Variants in TCF20 observed in about 807,000 individuals in gnomAD.
The protein encoded by TCF20 is transcription factor 20.
A neutral mutation model predicts 148.6 loss-of-function variants in TCF20; 3 were observed. That is an observed-to-expected ratio of 0.02 (90% CI 0.01 to 0.05). The LOEUF is 0.05. Among genes scored for constraint, TCF20 ranks in the 10% least tolerant of loss-of-function variants. The pLI, the probability that TCF20 is intolerant of heterozygous loss-of-function variation, is 1.00. For missense variants in TCF20, 2,350 were observed against 2,429.3 expected, an observed-to-expected ratio of 0.97 and a Z score of 0.69; for synonymous variants, 1,049 against 909.5, an observed-to-expected ratio of 1.15 and a Z score of -2.76.
At chr22:42,181,805 TCTCA>T (rs1383821081) in intron 2 of TCF20, among the ~76,000 whole-genome samples, 1 of 152,020 alleles carries the variant, frequency 6.6e-6, no homozygotes, top group African/African-American at 2.4e-5. Flanking sequence ...AGAGACAGGG[TCTCA>T]CTATGTTGCC....
chr22:42,310,299 C>G, intron 1 of TCF20, among the ~76,000 whole-genome samples: 1 of 152,224 alleles, frequency 6.6e-6, no homozygotes, highest in East Asian at 1.9e-4. Context: ...TGCTAAGGGC[C>G]TACTATGTGC....
chr22:42,259,001 T>C (rs1925892218), intron 1 of TCF20, among the ~76,000 whole-genome samples: 1 of 152,212 alleles, frequency 6.6e-6, no homozygotes, highest in Admixed American at 6.5e-5. Flanking sequence ...CATCAATACA[T>C]GACAATCTAG....
At chr22:42,173,972 C>T (rs1936289882) in intron 3 of TCF20, among the ~76,000 whole-genome samples, 2 of 152,200 alleles carry the variant, frequency 1.3e-5, no homozygotes, top group East Asian at 1.9e-4. Flanking sequence ...CAAGATGGGC[C>T]CCAAAACAGA....
chr22:42,261,251 T>C (rs1169543389), intron 1 of TCF20, among the ~76,000 whole-genome samples: 1 of 152,240 alleles, frequency 6.6e-6, no homozygotes, highest in Non-Finnish European at 1.5e-5. Flanking sequence ...CTGATGGACA[T>C]CTGGACTGTT....
chr22:42,254,618 G>A lies in TCF20; in HGVS notation c.-37+15721C>T, dbSNP rs2035183036. ...AATCCTTTCCCACCTCTCAGACTGT[G>A]GCTCTTAAGACCCTCCTCAGAGGGC... On this transcript the variant is annotated intron_variant, in intron 1 of 5. Coordinates refer to ENST00000677622, the MANE Select transcript of TCF20 (RefSeq NM_001378418.1). Among the ~76,000 whole-genome samples, 4 of 152,198 alleles carry A rather than the reference G, an allele frequency of 2.6e-5. No homozygotes were observed. In the South Asian group the frequency reaches 8.3e-4, roughly 31 times the overall value.
chr22:42,231,597 A>G (rs1923405471), intron 1 of TCF20, among the ~76,000 whole-genome samples: 1 of 152,212 alleles, frequency 6.6e-6, no homozygotes, highest in South Asian at 2.1e-4. Context: ...ACAAGAGTCA[A>G]AAGGTTACAA....
chr22:42,298,838 C>G (rs1295103035), intron 1 of TCF20, among the ~76,000 whole-genome samples: 3 of 152,248 alleles, frequency 2.0e-5, no homozygotes, highest in Admixed American at 6.5e-5. Context: ...GTCCCCTCCC[C>G]ACCAGGCCTT....
At chr22:42,232,924 T>C (rs1355782562) in intron 1 of TCF20, among the ~76,000 whole-genome samples, 2 of 152,166 alleles carry the variant, frequency 1.3e-5, no homozygotes, top group Non-Finnish European at 2.9e-5. Context: ...CAATGCAATA[T>C]TTTTTGTTTG....
intron 1 of TCF20, among the ~76,000 whole-genome samples, chr22:42,228,334 CAAT>C (rs772005314): frequency 2.5e-4 from 38 of 152,320 alleles, no homozygotes; most frequent in Non-Finnish European, 2.4e-4. Context: ...GTCATAACAA[CAAT>C]GATAAACAGC....
chr22:42,223,409 T>C (rs935996404), intron 1 of TCF20, among the ~76,000 whole-genome samples: 1 of 152,190 alleles, frequency 6.6e-6, no homozygotes, highest in Non-Finnish European at 1.5e-5. Context: ...ATGCATATTT[T>C]TGAAAATCCT....
chr22:42,256,472 G>GTT (rs59215167), intron 1 of TCF20, among the ~76,000 whole-genome samples: 22 of 139,030 alleles, frequency 1.6e-4, no homozygotes, highest in Admixed American at 2.9e-4. Flanking sequence ...ATGTAGCAAA[G>GTT]TTTTTTTTTT....
Position 42,290,947 on chromosome 22 carries a change from G to T in TCF20, c.-37+52532C>A, listed in dbSNP as rs1927121882. ...CGGTACAACCTCAGTACAACCATGA[G>T]AGGCAGCTTGAAAATGCCCATTTAC... On this transcript the variant is annotated intron_variant, in intron 1 of 1. Coordinates refer to the TCF20 transcript ENST00000515426. This position sits in a 1 kb window ranked among gnomAD's most constrained non-coding sequence, Gnocchi z 4.2. Among the ~76,000 whole-genome samples, 2 of 152,166 alleles carry T rather than the reference G, an allele frequency of 1.3e-5. No homozygotes were observed. Among genetic ancestry groups the T allele is most frequent in the African/African-American group, 4.8e-5 (2 of 41,438 alleles).
chr22:42,187,251 T>C (rs1219146251), intron 2 of TCF20, among the ~76,000 whole-genome samples: 2 of 152,196 alleles, frequency 1.3e-5, no homozygotes, highest in African/African-American at 4.8e-5. Context: ...AGTCATCTGC[T>C]TCCCTCCAAT....
chr22:42,313,218 G>T (rs1336315815), intron 1 of TCF20, among the ~76,000 whole-genome samples: 1 of 152,220 alleles, frequency 6.6e-6, no homozygotes, highest in Non-Finnish European at 1.5e-5. Context: ...GGAGACAGCT[G>T]CTAGGATGCA....
At chr22:42,262,153 T>C (rs1180948683) in intron 1 of TCF20, among the ~76,000 whole-genome samples, 1 of 152,162 alleles carries the variant, frequency 6.6e-6, no homozygotes, top group East Asian at 1.9e-4. Context: ...GTTTGGAATC[T>C]AAGTGCTATG....
At chr22:42,177,435 TTAA>T (rs1424801078) in intron 3 of TCF20, among the ~76,000 whole-genome samples, 1 of 152,006 alleles carries the variant, frequency 6.6e-6, no homozygotes, top group Non-Finnish European at 1.5e-5. Flanking sequence ...AGTAAAAAAC[TTAA>T]TAAACTTGAA....
intron 1 of TCF20, among the ~76,000 whole-genome samples, chr22:42,218,861 C>G (rs1922062337): frequency 6.6e-6 from 1 of 151,828 alleles, no homozygotes. Context: ...TGTATGATAC[C>G]CCTTTCCCTA....
chr22:42,267,577 T>C (rs775287713), intron 1 of TCF20, among the ~76,000 whole-genome samples: 7 of 152,116 alleles, frequency 4.6e-5, no homozygotes, highest in Non-Finnish European at 7.4e-5. Context: ...GGTGCGCACC[T>C]GTAGTCCCAG....
chr22:42,236,977 C>T (rs546911235), intron 1 of TCF20, among the ~76,000 whole-genome samples: 27 of 152,282 alleles, frequency 1.8e-4, no homozygotes, highest in African/African-American at 6.3e-4. Context: ...GAGGGTCTTG[C>T]CTCCATGTTG....
Sources: gnomAD v4.1 joint callset for allele counts (sites outside exome capture counted in the v4.1 genomes callset) on GRCh38, gnomAD v4.1.1 for gene constraint, Gnocchi (gnomAD v3.1) non-coding constraint, MANE v1.5 for transcripts, NCBI Gene and HGNC (gene_info 2026-07-23, HGNC 2026-07-21) for gene names.